Variants in SAV1 observed in about 807,000 individuals in gnomAD.
SAV1 encodes salvador family WW domain containing protein 1, also known as protein salvador homolog 1.
A neutral mutation model predicts 47.3 loss-of-function variants in SAV1; 23 were observed. That is an observed-to-expected ratio of 0.49 (90% confidence interval 0.35 to 0.69). The LOEUF is 0.69. Ranked by LOEUF, SAV1 falls within the 30% of genes least tolerant of loss-of-function variation. The pLI, the probability that SAV1 is intolerant of heterozygous loss-of-function variation, is 0.01. For missense variants in SAV1, 448 were observed against 457.4 expected, an observed-to-expected ratio of 0.98 and a Z score of 0.19; for synonymous variants, 155 against 159.2, an observed-to-expected ratio of 0.97 and a Z score of 0.20.
At chr14:50,660,495 C>A (rs1482716330) in intron 2 of SAV1, among the ~76,000 whole-genome samples, 2 of 152,034 alleles carry the variant, frequency 1.3e-5, no homozygotes, top group Admixed American at 6.5e-5. Flanking sequence ...TTTTTGGATA[C>A]ATAATTATTT....
chr14:50,666,799 A>C (rs773333141), intron 1 of SAV1, among the ~76,000 whole-genome samples: 8 of 151,864 alleles, frequency 5.3e-5, no homozygotes, highest in Non-Finnish European at 1.0e-4. Context: ...AAAAAAAACA[A>C]CTTAAAAATC....
intron 2 of SAV1, among the ~76,000 whole-genome samples, chr14:50,650,647 A>C (rs1401379434): frequency 2.0e-5 from 3 of 152,214 alleles, no homozygotes; most frequent in African/African-American, 7.2e-5. Flanking sequence ...ATACCATATC[A>C]TGAGAAGCCC....
chr14:50,646,072 C>A (rs967170751), intron 2 of SAV1, among the ~76,000 whole-genome samples: 1 of 152,006 alleles, frequency 6.6e-6, no homozygotes, highest in African/African-American at 2.4e-5. Context: ...TATAGGAGTC[C>A]CCCCCTTATC....
intron 2 of SAV1, among the ~76,000 whole-genome samples, chr14:50,657,871 A>G (rs1170495671): frequency 6.6e-6 from 1 of 152,212 alleles, no homozygotes; most frequent in African/African-American, 2.4e-5. Context: ...AGATGTGCCA[A>G]AAAACTTAAT....
At chr14:50,655,550 C>G (rs1213107246) in intron 2 of SAV1, among the ~76,000 whole-genome samples, 5 of 151,732 alleles carry the variant, frequency 3.3e-5, no homozygotes, top group African/African-American at 1.2e-4. Flanking sequence ...CTCAGCCTCC[C>G]GAGTAGGTGA....
rs752868144 is a variant in SAV1 at position 50,644,915 on chromosome 14, C to T, written c.635G>A (p.Arg212Lys). 5 of 1,613,960 alleles carry T rather than the reference C, an allele frequency of 3.1e-6. No individual in the cohort carries two copies. Among genetic ancestry groups the T allele is most frequent in the Non-Finnish European group, 4.2e-6 (5 of 1,180,012 alleles). Reference sequence around the variant, plus strand: ...ATGATCTATATAATATTTTCTCCCTCTCATTGTCCAGTCCACAGACCAGCC... The same window carrying T: ...ATGATCTATATAATATTTTCTCCCTTTCATTGTCCAGTCCACAGACCAGCC... ...PPGWSVDWTM[R>K]GRKYYIDHNT... The change falls in exon 3 of 5, where the codon AGA becomes AAA. Residue 212 changes from arginine (R) to lysine (K), a missense_variant. By Grantham distance (26) the Arg-to-Lys change is conservative (BLOSUM62 2). Transcript: ENST00000324679.
rs1303261179 is a variant in SAV1 at position 50,633,855 on chromosome 14, G to A, written c.*1328C>T. The A allele has an allele frequency of 6.4e-6, 1 of 157,132 alleles. No individual in the cohort carries two copies. Among genetic ancestry groups the A allele is most frequent in the Non-Finnish European group, 1.4e-5 (1 of 70,790 alleles). The allele number at this position is 157,132 out of a possible 1,614,324, so 9.7% of individuals were successfully genotyped here. ...ATGTTGAAATTCACAGAATTCTAGAGATTTATAGTTATAGTTTAGAAGTAT... is the reference window on the plus strand; with the variant it reads ...ATGTTGAAATTCACAGAATTCTAGAAATTTATAGTTATAGTTTAGAAGTAT... On this transcript the variant is annotated 3_prime_UTR_variant, in exon 5 of 5. Transcript: ENST00000324679.
In SAV1 at chr14:50,666,437, C is replaced by T. The variant is rs139838643; in HGVS notation, c.95-818G>A. 2.6e-5 allele frequency among the ~76,000 whole-genome samples: 4 copies of T among 152,162 alleles called. No homozygotes were observed. The East Asian group carries it at 7.7e-4, about 29-fold the overall frequency. On this transcript the variant is annotated intron_variant, in intron 1 of 4. Transcript: ENST00000324679. ...AAGACAAAAACCTGAATATGCAGAC[C>T]CTCTTATTATTCATCAAGTAAACAA...
At chr14:50,659,073 AT>A (rs33946852) in intron 2 of SAV1, among the ~76,000 whole-genome samples, 11,605 of 130,734 alleles carry the variant, frequency 0.089, 442 homozygotes, top group African/African-American at 0.15. Flanking sequence ...GCTGTAAAGA[AT>A]TTTTTTTTTT....
chr14:50,648,770 T>C (rs1349981363), intron 2 of SAV1, among the ~76,000 whole-genome samples: 3 of 151,162 alleles, frequency 2.0e-5, no homozygotes, highest in Admixed American at 6.6e-5. Flanking sequence ...GGAGCAAGAC[T>C]CCGTCTCAAA....
chr14:50,646,798 T>C (rs1431225021), intron 2 of SAV1, among the ~76,000 whole-genome samples: 1 of 151,860 alleles, frequency 6.6e-6, no homozygotes, highest in Admixed American at 6.6e-5. Flanking sequence ...GCCAAAACAA[T>C]TTTTTTGAAA....
intron 2 of SAV1, among the ~76,000 whole-genome samples, chr14:50,653,843 T>C (rs1217848972): frequency 6.6e-6 from 1 of 150,662 alleles, no homozygotes; most frequent in East Asian, 1.9e-4. Context: ...CACTCCAACC[T>C]GGCAACAGAG....
At chr14:50,646,366 G>T (rs570518534) in intron 2 of SAV1, among the ~76,000 whole-genome samples, 2 of 152,268 alleles carry the variant, frequency 1.3e-5, no homozygotes, top group Admixed American at 1.3e-4. Flanking sequence ...GCAAAACCAT[G>T]GATAAAGCGA....
In SAV1 at chr14:50,663,210, A is replaced by G. The variant is rs1042900574; in HGVS notation, c.535+1969T>C. 28 of 152,378 alleles carry G rather than the reference A, an allele frequency of 1.8e-4. 1 individual carries two copies. The highest frequency in any genetic ancestry group is 6.3e-4 in the African/African-American group (26 of 41,592). 9.4% of individuals were successfully genotyped at this position (152,378 alleles called of 1,614,324 possible). On this transcript the variant is annotated intron_variant, in intron 2 of 4. Transcript: ENST00000324679. The stretch of plus-strand genomic sequence containing the variant: ...TATTATATAATCACATCCATGTAAA[A>G]AAAGAATTTGGCATGGAAAAAGATG...
At chr14:50,660,258 T>A (rs1287843236) in intron 2 of SAV1, among the ~76,000 whole-genome samples, 2 of 152,178 alleles carry the variant, frequency 1.3e-5, no homozygotes, top group Non-Finnish European at 2.9e-5. Flanking sequence ...ACCAGTCCAA[T>A]CACCAGCACC....
intron 2 of SAV1, among the ~76,000 whole-genome samples, chr14:50,649,335 A>C (rs1301001271): frequency 6.6e-6 from 1 of 152,244 alleles, no homozygotes; most frequent in African/African-American, 2.4e-5. Flanking sequence ...GAAGATTCTT[A>C]GGACAGGAAT....
intron 2 of SAV1, among the ~76,000 whole-genome samples, chr14:50,651,442 T>C (rs1460693581): frequency 6.6e-6 from 1 of 152,216 alleles, no homozygotes; most frequent in Admixed American, 6.5e-5. Context: ...CATTCTGTTT[T>C]ATCATTTTGA....
Position 50,634,467 on chromosome 14 carries a change from G to A in SAV1, c.*716C>T, listed in dbSNP as rs377283905. 1.6e-4 allele frequency: 32 copies of A among 194,112 alleles called. No individual in the cohort carries two copies. The East Asian group carries it at 2.4e-3, about 15-fold the overall frequency. 12.0% of individuals were successfully genotyped at this position (194,112 alleles called of 1,614,324 possible). Reference sequence around the variant, plus strand: ...GGGCTCAAGCCATCCTCTGACCTCAGCCTCCCAAGTAGCTGGGACTAGAGG... The same window carrying A: ...GGGCTCAAGCCATCCTCTGACCTCAACCTCCCAAGTAGCTGGGACTAGAGG... On this transcript the variant is annotated 3_prime_UTR_variant, in exon 5 of 5. Coordinates refer to ENST00000324679, the MANE Select transcript of SAV1 (RefSeq NM_021818.4).
intron 3 of SAV1, among the ~76,000 whole-genome samples, chr14:50,641,237 G>T (rs1340593931): frequency 6.6e-6 from 1 of 152,146 alleles, no homozygotes; most frequent in Non-Finnish European, 1.5e-5. Flanking sequence ...TCCTCCCGTA[G>T]GCTGAAAATG....
Sources: gnomAD v4.1 joint callset for allele counts (sites outside exome capture counted in the v4.1 genomes callset) on GRCh38, gnomAD v4.1.1 for gene constraint, MANE v1.5 for transcripts, NCBI Gene and HGNC (gene_info 2026-07-23, HGNC 2026-07-21) for gene names.